The following CLCC1 variants were observed in gnomAD, a reference collection of about 807,000 sequenced individuals.
CLCC1 encodes chloride channel CLIC like 1, also known as chloride channel CLIC-like protein 1.
Under a neutral mutation model 63.3 loss-of-function variants are expected in CLCC1, and 39 were observed. That is an observed-to-expected ratio of 0.62 (90% CI 0.48 to 0.81). The LOEUF is 0.81. CLCC1 is among the 30% of genes least tolerant of loss of function. The pLI is 0.00. For synonymous variants in CLCC1, 217 were observed against 239.8 expected, an observed-to-expected ratio of 0.90 and a Z score of 0.88; for missense variants, 549 against 669.4, an observed-to-expected ratio of 0.82 and a Z score of 1.98.
In CLCC1 at chr1:108,930,228, T is replaced by A. The variant is rs1233812244; in HGVS notation, c.*2319A>T. The A allele has an allele frequency of 3.1e-6, 1 of 323,654 alleles. No homozygotes were observed. Among genetic ancestry groups the A allele is most frequent in the Non-Finnish European group, 5.6e-6 (1 of 177,216 alleles). 20.0% of individuals were successfully genotyped at this position (323,654 alleles called of 1,614,324 possible). A position where few individuals can be genotyped will look rare whatever the true frequency, so the allele number is the denominator to read the frequency against. On this transcript the variant is annotated 3_prime_UTR_variant, in exon 13 of 13. Transcript: ENST00000369969. ...ACCTAGTGTTTATAAAGTAGGAAGTTAAGTGAATCATAGATTAGAATTTAA... is the reference window on the plus strand; with the variant it reads ...ACCTAGTGTTTATAAAGTAGGAAGTAAAGTGAATCATAGATTAGAATTTAA...
Position 108,930,008 on chromosome 1 carries a change from AAGG to A in CLCC1, c.*2536_*2538del, listed in dbSNP as rs1651654659. The A allele has an allele frequency of 1.4e-6, 2 of 1,437,372 alleles. No homozygotes were observed. The highest frequency in any genetic ancestry group is 2.3e-5 in the East Asian group (1 of 43,994). 89.0% of individuals were successfully genotyped at this position (1,437,372 alleles called of 1,614,324 possible). On this transcript the variant is annotated 3_prime_UTR_variant, in exon 13 of 13. Transcript: ENST00000369969. ...AACAATCTATTACTTTTTTCCTTAA[AAGG>A]AGAATTTATAGCACTGTAATACAGC...
chr1:108,960,575 G>A (rs547060841), intron 2 of CLCC1, among the ~76,000 whole-genome samples: 1 of 152,270 alleles, frequency 6.6e-6, no homozygotes, highest in East Asian at 1.9e-4. Flanking sequence ...TGAAATTAAG[G>A]TTACGGGAAG....
intron 7 of CLCC1, among the ~76,000 whole-genome samples, chr1:108,943,016 T>C (rs536227904): frequency 1.3e-5 from 2 of 152,164 alleles, no homozygotes; most frequent in South Asian, 4.2e-4. Context: ...TTCAAGCAAT[T>C]CTCCTGCCTC....
Position 108,937,421 on chromosome 1 carries a change from G to C in CLCC1, c.1042-3C>G. On this transcript the variant is annotated splice_polypyrimidine_tract_variant and splice_region_variant and intron_variant, in intron 10 of 12. Transcript: ENST00000369969. ...TTTCCAGCACCATAGCAGAAACTCT[G>C]TAAGGAAAAGAAATACATTTTCCTG... 6.4e-7 allele frequency: 1 copy of C among 1,566,870 alleles called. No individual in the cohort carries two copies. Among genetic ancestry groups the C allele is most frequent in the Non-Finnish European group, 8.6e-7 (1 of 1,157,310 alleles).
At chr1:108,934,995 T>C in intron 11 of CLCC1, 53 bp from the exon 12 acceptor site, 1 of 1,506,500 alleles carries the variant, frequency 6.6e-7, no homozygotes, top group South Asian at 1.3e-5. Context: ...GAAGTCTTAG[T>C]AATCAAACAT....
intron 2 of CLCC1, among the ~76,000 whole-genome samples, chr1:108,954,754 G>A (rs535172110): frequency 2.0e-5 from 3 of 151,198 alleles, no homozygotes; most frequent in South Asian, 2.1e-4. Flanking sequence ...GTTGTGGAAC[G>A]AGTTCAGCAT....
intron 7 of CLCC1, among the ~76,000 whole-genome samples, chr1:108,942,936 A>G (rs1203388083): frequency 1.3e-5 from 2 of 151,744 alleles, no homozygotes; most frequent in African/African-American, 4.8e-5. Flanking sequence ...CTTGTTTTTG[A>G]GACAGACCTC....
At chr1:108,941,818 T>G (rs1653890036) in intron 7 of CLCC1, among the ~76,000 whole-genome samples, 1 of 152,052 alleles carries the variant, frequency 6.6e-6, no homozygotes, top group Non-Finnish European at 1.5e-5. Flanking sequence ...CACGCCCAGC[T>G]AATTTTTGTA....
chr1:108,935,633 G>A (rs1248122993), intron 11 of CLCC1, among the ~76,000 whole-genome samples: 2 of 152,148 alleles, frequency 1.3e-5, no homozygotes, highest in African/African-American at 2.4e-5. Flanking sequence ...AGGCATGGTC[G>A]TATATGCCTA....
intron 9 of CLCC1, 125 bp from the exon 10 acceptor site, chr1:108,939,907 T>A: frequency 2.3e-6 from 3 of 1,308,840 alleles, no homozygotes; most frequent in Non-Finnish European, 3.1e-6. Context: ...GTGCCATTTT[T>A]AATGTGAAAA....
chr1:108,931,361 T>C lies in CLCC1; in HGVS notation c.*1186A>G. The C allele has an allele frequency of 1.9e-6, 3 of 1,550,916 alleles. No homozygotes were observed. The highest frequency in any genetic ancestry group is 2.6e-6 in the Non-Finnish European group (3 of 1,147,046). ...GATGATAACAAAGTAACTAACTAAC[T>C]GTAGCAAAAGACAAGTATGGGACAG... On this transcript the variant is annotated 3_prime_UTR_variant, in exon 13 of 13. Coordinates refer to ENST00000369969, the MANE Select transcript of CLCC1 (RefSeq NM_001377458.1).
intron 12 of CLCC1, chr1:108,932,718 A>G (rs1652216843): frequency 6.6e-6 from 1 of 152,202 alleles, no homozygotes; most frequent in South Asian, 2.1e-4. Flanking sequence ...TCTTGTCCCA[A>G]GAGGACACTT....
At chr1:108,934,974 T>A in intron 11 of CLCC1, 32 bp from the exon 12 acceptor site, 2 of 1,553,248 alleles carry the variant, frequency 1.3e-6, no homozygotes, top group Non-Finnish European at 1.7e-6. Context: ...TTTAACTGTT[T>A]AATGTAATGT....
chr1:108,932,959 C>T (rs1652261990), intron 12 of CLCC1: 1 of 152,196 alleles, frequency 6.6e-6, no homozygotes, highest in Admixed American at 6.5e-5. Flanking sequence ...TACAGTGGCT[C>T]GATCATAACT....
At chr1:108,947,579 T>C in intron 5 of CLCC1, 32 bp downstream of exon 5, 8 of 1,229,726 alleles carry the variant, frequency 6.5e-6, no homozygotes, top group Non-Finnish European at 9.4e-6. Flanking sequence ...ATATACACTA[T>C]ACGGATTAGT....
In CLCC1 at chr1:108,954,951, C is replaced by G. The variant is rs537201843; in HGVS notation, c.-11-4503G>C. Among the ~76,000 whole-genome samples, 11 of 151,030 alleles carry G rather than the reference C, an allele frequency of 7.3e-5. No individual in the cohort carries two copies. The East Asian group carries it at 2.1e-3, about 29-fold the overall frequency. Reference sequence around the variant, plus strand: ...GGGTTCAAAAATTCTCCTGCCTCACCCTCCCAAGTAGCTGGGATTATAGGC... The same window carrying G: ...GGGTTCAAAAATTCTCCTGCCTCACGCTCCCAAGTAGCTGGGATTATAGGC... On this transcript the variant is annotated intron_variant, in intron 2 of 12. Transcript: ENST00000369969.
At position 108,940,150 on chromosome 1, in the gene CLCC1, G is replaced by T; in HGVS notation, c.797-8C>A. On this transcript the variant is annotated splice_polypyrimidine_tract_variant and splice_region_variant and intron_variant, in intron 8 of 12. Coordinates refer to ENST00000369969, the MANE Select transcript of CLCC1 (RefSeq NM_001377458.1). ...ATGAACTTCTAAACCATTCTGTTTA[G>T]AGAAACAGACAAAACACTGATCATT... The T allele has an allele frequency of 6.5e-7, 1 of 1,530,652 alleles. No homozygotes were observed. The highest frequency in any genetic ancestry group is 9.0e-7 in the Non-Finnish European group (1 of 1,109,498). 94.8% of individuals were successfully genotyped at this position (1,530,652 alleles called of 1,614,324 possible). A position where few individuals can be genotyped will look rare whatever the true frequency, so the allele number is the denominator to read the frequency against.
At chr1:108,939,420 C>T (rs11587337) in intron 10 of CLCC1, among the ~76,000 whole-genome samples, 9,264 of 150,738 alleles carry the variant, frequency 0.061, 320 homozygotes, top group Non-Finnish European at 0.064. Context: ...CGTTCTCCTG[C>T]CTCAGCCTCC....
Position 108,937,066 on chromosome 1 carries a change from T to G in CLCC1, c.1383+11A>C. On this transcript the variant is annotated intron_variant, in intron 11 of 12. Transcript: ENST00000369969. ...TGAAGGGACAGCAGAATAAAAGAGT[T>G]GCTGACTTACACTGGGTACCACCGT... The G allele has an allele frequency of 1.4e-6, 2 of 1,472,532 alleles. No individual in the cohort carries two copies. The highest frequency in any genetic ancestry group is 9.0e-7 in the Non-Finnish European group (1 of 1,110,162). The allele number at this position is 1,472,532 out of a possible 1,614,324, so 91.2% of individuals were successfully genotyped here. A position where few individuals can be genotyped will look rare whatever the true frequency, so the allele number is the denominator to read the frequency against.
Sources: allele counts gnomAD v4.1 joint callset (sites outside exome capture counted in the v4.1 genomes callset), GRCh38; gene constraint gnomAD v4.1.1; transcripts MANE v1.5; gene names NCBI Gene and HGNC (gene_info 2026-07-23, HGNC 2026-07-21).